The following ZNF480 variants were observed in gnomAD, a reference collection of about 807,000 sequenced individuals.
ZNF480 encodes the protein zinc finger protein 480.
Under a neutral mutation model 14.4 loss-of-function variants are expected in ZNF480, and 15 were observed. The ratio of observed to expected loss-of-function variants is 1.04; its 90% CI spans 0.70 to 1.60. The LOEUF (loss-of-function observed/expected upper bound fraction) is 1.60. Ranked by LOEUF, ZNF480 falls within the 40% of genes most tolerant of loss-of-function variation. ZNF480 has a pLI of 0.00. For synonymous variants in ZNF480, 218 were observed against 215.5 expected, an observed-to-expected ratio of 1.01 and a Z score of -0.10; for missense variants, 593 against 629.7, an observed-to-expected ratio of 0.94 and a Z score of 0.62.
At chr19:52,308,704 A>G (rs1983111335) in intron 2 of ZNF480, 1 of 151,904 alleles carries the variant, frequency 6.6e-6, no homozygotes, top group Non-Finnish European at 1.5e-5. Flanking sequence ...CATTCTCAGC[A>G]TGTGCCTCTC....
chr19:52,308,535 G>A (rs980009547), intron 2 of ZNF480: 4 of 151,986 alleles, frequency 2.6e-5, no homozygotes, highest in Non-Finnish European at 4.4e-5. Context: ...CTGAACTCCT[G>A]AGCTCAGGTG....
intron 2 of ZNF480, among the ~76,000 whole-genome samples, chr19:52,307,040 C>G (rs1982967066): frequency 6.6e-6 from 1 of 152,166 alleles, no homozygotes; most frequent in African/African-American, 2.4e-5. Context: ...ATTACACTCC[C>G]CTTCTTCCTC....
intron 2 of ZNF480, among the ~76,000 whole-genome samples, chr19:52,302,501 G>T (rs1982744125): frequency 6.6e-6 from 1 of 152,170 alleles, no homozygotes; most frequent in Non-Finnish European, 1.5e-5. Flanking sequence ...GGCTAGTACG[G>T]CCTTGGGTGT....
At chr19:52,297,580 G>A (rs1487324996) in intron 1 of ZNF480, among the ~76,000 whole-genome samples, 1 of 152,150 alleles carries the variant, frequency 6.6e-6, no homozygotes, top group Non-Finnish European at 1.5e-5. Context: ...TGTTGGCCCT[G>A]GAGCACAGCG....
In ZNF480 at chr19:52,315,847, T is replaced by C; in HGVS notation, c.213T>C (p.Pro71=). 1 of 1,611,356 alleles carries C rather than the reference T, an allele frequency of 6.2e-7. No homozygotes were observed. The highest frequency in any genetic ancestry group is 8.5e-7 in the Non-Finnish European group (1 of 1,178,366). ...TTTTACAAACAGGAATCTCTCTTCC[T>C]GACCTGAATATTAACTCCATGTTGG... The part of the protein sequence containing the change: ...RNLVSLGISL[P]DLNINSMLEQ... Residue 71 remains proline, a synonymous_variant, in exon 4 of 5, where the codon CCT becomes CCC. Transcript: ENST00000595962.
At chr19:52,320,911 G>A (rs1031422382) in intron 4 of ZNF480, among the ~76,000 whole-genome samples, 21 of 152,158 alleles carry the variant, frequency 1.4e-4, no homozygotes. Flanking sequence ...TGGGGAAGTA[G>A]ATGCTGCAGT....
intron 4 of ZNF480, among the ~76,000 whole-genome samples, chr19:52,318,139 G>C (rs1983644290): frequency 6.6e-6 from 1 of 151,500 alleles, no homozygotes; most frequent in Non-Finnish European, 1.5e-5. Context: ...ACGGAGTCTT[G>C]CTCTGTCACC....
intron 2 of ZNF480, among the ~76,000 whole-genome samples, chr19:52,313,173 T>C (rs1466616051): frequency 6.9e-6 from 1 of 145,522 alleles, no homozygotes; most frequent in Non-Finnish European, 1.5e-5. Context: ...TCTCACTCTT[T>C]TCCCCCAGGA....
chr19:52,324,258 C>T lies in ZNF480; in HGVS notation c.*1400C>T, dbSNP rs560102268. 2.0e-5 allele frequency: 3 copies of T among 152,178 alleles called. No homozygotes were observed. In the South Asian group the frequency reaches 6.2e-4, roughly 32 times the overall value. The allele number at this position is 152,178 out of a possible 1,614,324, so 9.4% of individuals were successfully genotyped here. ...CAACCAGGTAAGTGAAAGATTTCTA[C>T]AATGAGAATTACAAAGCAGTGCACA... On this transcript the variant is annotated 3_prime_UTR_variant, in exon 5 of 5. Coordinates refer to ENST00000595962, the MANE Select transcript of ZNF480 (RefSeq NM_144684.4).
At chr19:52,316,342 T>G (rs997088829) in intron 4 of ZNF480, among the ~76,000 whole-genome samples, 4 of 152,068 alleles carry the variant, frequency 2.6e-5, no homozygotes, top group African/African-American at 9.7e-5. Flanking sequence ...TTCTGCTACC[T>G]CAGCCTTCCA....
chr19:52,316,015 TTTG>T, intron 4 of ZNF480, 53 bp downstream of exon 4: 2 of 1,487,288 alleles, frequency 1.3e-6, no homozygotes, highest in South Asian at 2.9e-5. Flanking sequence ...GGGCTTTTTT[TTTG>T]TTTTGTTTTG....
chr19:52,314,833 A>C (rs1983474254), intron 3 of ZNF480, among the ~76,000 whole-genome samples: 1 of 151,896 alleles, frequency 6.6e-6, no homozygotes, highest in Admixed American at 6.6e-5. Context: ...CAAACAAAAA[A>C]CTAAAAACCT....
rs1015379597 is a variant in ZNF480, at chr19:52,322,085, A to G, written c.835A>G (p.Arg279Gly). 8.7e-6 allele frequency: 14 copies of G among 1,614,108 alleles called. No homozygotes were observed. Among genetic ancestry groups the G allele is most frequent in the Non-Finnish European group, 1.2e-5 (14 of 1,179,990 alleles). The change falls in exon 5 of 5, where the codon AGA (arginine) becomes GGA (glycine). Residue 279 changes from arginine (R) to glycine (G), a missense_variant. Physicochemically the swap from Arg to Gly is moderately radical, Grantham distance 125 (BLOSUM62 -2). Coordinates refer to ENST00000595962, the MANE Select transcript of ZNF480 (RefSeq NM_144684.4). Reference protein sequence around the residue: ...SYNSNFARHQRIHTREKPYEC... With the variant: ...SYNSNFARHQGIHTREKPYEC... Reference sequence around the variant, plus strand: ...CAATTCAAACTTTGCACGACATCAAAGAATTCATACCAGAGAGAAGCCGTA... The same window carrying G: ...CAATTCAAACTTTGCACGACATCAAGGAATTCATACCAGAGAGAAGCCGTA...
chr19:52,319,544 T>A (rs949586077), intron 4 of ZNF480, among the ~76,000 whole-genome samples: 8 of 152,200 alleles, frequency 5.3e-5, no homozygotes, highest in African/African-American at 1.9e-4. Flanking sequence ...TTGCTTATAA[T>A]GTATCTCTGT....
chr19:52,313,291 C>T (rs1445352545), intron 2 of ZNF480, among the ~76,000 whole-genome samples: 1 of 151,422 alleles, frequency 6.6e-6, no homozygotes, highest in African/African-American at 2.4e-5. Context: ...GTGCATACCA[C>T]CACGCCCAGC....
intron 2 of ZNF480, among the ~76,000 whole-genome samples, chr19:52,303,263 T>C (rs1982782465): frequency 6.6e-6 from 1 of 152,180 alleles, no homozygotes; most frequent in Non-Finnish European, 1.5e-5. Flanking sequence ...TTTTAATTGG[T>C]TTAAATTTAG....
In ZNF480 at chr19:52,325,552, T is replaced by C. The variant is rs1370337768; in HGVS notation, c.*2694T>C. On this transcript the variant is annotated 3_prime_UTR_variant, in exon 5 of 5. Transcript: ENST00000595962. The stretch of plus-strand genomic sequence containing the variant: ...TCAGCAGTAGACCAGATAAAGAAAA[T>C]TTGGTACATATACACCATGGAATAC... 2.0e-5 allele frequency: 3 copies of C among 152,184 alleles called. No homozygotes were observed. In the East Asian group the frequency reaches 5.8e-4, roughly 29 times the overall value. 9.4% of individuals were successfully genotyped at this position (152,184 alleles called of 1,614,324 possible).
chr19:52,321,543 T>A, intron 4 of ZNF480, 36 bp from the exon 5 acceptor site: 2 of 1,515,734 alleles, frequency 1.3e-6, no homozygotes, highest in Non-Finnish European at 1.8e-6. Flanking sequence ...GCCAGAATTA[T>A]GGGGTCTGAA....
intron 2 of ZNF480, among the ~76,000 whole-genome samples, chr19:52,313,404 C>G (rs539999292): frequency 6.7e-6 from 1 of 148,398 alleles, no homozygotes. Flanking sequence ...TCCCAAAGTC[C>G]TGGGATTACA....
Sources: allele counts gnomAD v4.1 joint callset (sites outside exome capture counted in the v4.1 genomes callset), GRCh38; gene constraint gnomAD v4.1.1; transcripts MANE v1.5; gene names NCBI Gene and HGNC (gene_info 2026-07-23, HGNC 2026-07-21).